ALG9: variants seen among roughly 807,000 people sequenced by gnomAD.
ALG9 encodes alpha-1,2-mannosyltransferase ALG9.
ALG9 carries 55 observed loss-of-function variants against 81.8 expected under a neutral mutation model. The observed-to-expected ratio is 0.67, with a 90% CI of 0.54 to 0.84. The LOEUF (loss-of-function observed/expected upper bound fraction) is 0.84. Among genes scored for constraint, ALG9 ranks in the 40% least tolerant of loss-of-function variants. The pLI is 0.00. For missense variants in ALG9, 629 were observed against 745.0 expected (o/e 0.84, Z 1.81); for synonymous variants, 278 against 274.3 (o/e 1.01, Z -0.13).
At chr11:111,821,627 G>C (rs1175958093) in intron 13 of ALG9, among the ~76,000 whole-genome samples, 1 of 151,744 alleles carries the variant, frequency 6.6e-6, no homozygotes, top group Non-Finnish European at 1.5e-5. Context: ...GACTTCCGCT[G>C]TTTCCCCAGG....
At chr11:111,819,805 A>T (rs1024272793) in intron 13 of ALG9, among the ~76,000 whole-genome samples, 3 of 152,200 alleles carry the variant, frequency 2.0e-5, no homozygotes, top group African/African-American at 7.2e-5. Flanking sequence ...GCAAGAACTG[A>T]ATCTGTCTTT....
At position 111,793,453 on chromosome 11, in the gene ALG9, A is replaced by C. The variant is rs182812981; in HGVS notation, c.1734-6933T>G. On this transcript the variant is annotated intron_variant, in intron 14 of 14. Transcript: ENST00000616540. The stretch of plus-strand genomic sequence containing the variant: ...ATTGAAAAAAGGAAATCAAATTGGT[A>C]ATTTGCCTTTATAAAAGGAAAGAGC... Among the ~76,000 whole-genome samples, 336 of 152,302 alleles carry C rather than the reference A, an allele frequency of 2.2e-3. 3 individuals are homozygous for C. Among genetic ancestry groups the C allele is most frequent in the African/African-American group, 7.8e-3 (325 of 41,584 alleles).
chr11:111,871,208 A>G, intron 1 of ALG9, 144 bp downstream of exon 1: 1 of 1,307,850 alleles, frequency 7.6e-7, no homozygotes, highest in Admixed American at 4.2e-5. Context: ...GAAGACCAAT[A>G]GGACCTAGCT....
chr11:111,772,528 A>G, the ALG9 span, among the ~76,000 whole-genome samples: 1 of 152,238 alleles, frequency 6.6e-6, no homozygotes, highest in African/African-American at 2.4e-5. Context: ...ACCTCTACCA[A>G]TTACTAGCTG....
chr11:111,853,866 T>G, intron 6 of ALG9, 130 bp from the exon 7 acceptor site: 1 of 797,818 alleles, frequency 1.3e-6, no homozygotes, highest in Admixed American at 2.0e-5. Context: ...AAACCTGGTA[T>G]GTGAGAGGAT....
chr11:111,870,526 C>T (rs1280608165), intron 1 of ALG9, among the ~76,000 whole-genome samples, 156 bp from the exon 2 acceptor site: 1 of 151,572 alleles, frequency 6.6e-6, no homozygotes, highest in Non-Finnish European at 1.5e-5. Flanking sequence ...GTTGTTTTTT[C>T]TCAGTAAAAT....
At chr11:111,809,561 A>G in intron 14 of ALG9, 82 bp downstream of exon 14, 1 of 1,549,346 alleles carries the variant, frequency 6.5e-7, no homozygotes, top group Middle Eastern at 1.7e-4. Context: ...GAGTCAACCC[A>G]GGACTGGAAG....
chr11:111,801,807 T>C (rs1949162455), intron 14 of ALG9, among the ~76,000 whole-genome samples: 1 of 152,236 alleles, frequency 6.6e-6, no homozygotes, highest in Non-Finnish European at 1.5e-5. Context: ...CATTCCCCTG[T>C]TACCAGGAAG....
Position 111,786,377 on chromosome 11 carries a change from T to G in ALG9, c.*20A>C. 20 of 1,613,708 alleles carry G rather than the reference T, an allele frequency of 1.2e-5. No individual in the cohort carries two copies. The highest frequency in any genetic ancestry group is 1.7e-5 in the Non-Finnish European group (20 of 1,179,748). On this transcript the variant is annotated 3_prime_UTR_variant, in exon 15 of 15. Transcript: ENST00000616540. ...CAATAGTTAACAAGATGGTTGTCCT[T>G]TGGGGCCACAGGTGTGTTGCTAACC...
intron 3 of ALG9, among the ~76,000 whole-genome samples, chr11:111,866,470 T>G (rs1325344193): frequency 6.6e-6 from 1 of 152,058 alleles, no homozygotes; most frequent in East Asian, 1.9e-4. Flanking sequence ...ACCCTGTCTC[T>G]CAGAAACAAC....
intron 3 of ALG9, among the ~76,000 whole-genome samples, chr11:111,865,644 A>G (rs1423778396): frequency 6.6e-6 from 1 of 152,260 alleles, no homozygotes; most frequent in Non-Finnish European, 1.5e-5. Flanking sequence ...ATGCTCATTC[A>G]ACAAGCAATT....
At chr11:111,846,112 CT>C (rs1275673824) in intron 8 of ALG9, among the ~76,000 whole-genome samples, 1 of 152,178 alleles carries the variant, frequency 6.6e-6, no homozygotes, top group African/African-American at 2.4e-5. Context: ...TCAAAAATGT[CT>C]TTTCTGAATC....
chr11:111,857,895 T>C, intron 5 of ALG9, 158 bp from the exon 6 acceptor site: 2 of 825,898 alleles, frequency 2.4e-6, no homozygotes, highest in Non-Finnish European at 3.8e-6. Flanking sequence ...AGCAAAGTGA[T>C]ATTCTTTTTT....
chr11:111,855,551 G>C (rs1322500269), intron 6 of ALG9, among the ~76,000 whole-genome samples: 5 of 152,202 alleles, frequency 3.3e-5, no homozygotes, highest in African/African-American at 9.6e-5. Flanking sequence ...ATGGGAAAGA[G>C]AGAAGAGTCA....
In ALG9 at chr11:111,853,699, T is replaced by G. The variant is rs1435439666; in HGVS notation, c.739A>C (p.Arg247=). 2 of 1,614,042 alleles carry G rather than the reference T, an allele frequency of 1.2e-6. No homozygotes were observed. The highest frequency in any genetic ancestry group is 4.5e-5 in the East Asian group (2 of 44,896). The part of the protein sequence containing the change: ...IAFDLLVMKH[R]WKSFFHWSLM... ...GACCAATGAAAGAAACTCTTCCACCTGTGTTTCATGACCAGCAAATCAAAG... is the reference window on the plus strand; with the variant it reads ...GACCAATGAAAGAAACTCTTCCACCGGTGTTTCATGACCAGCAAATCAAAG... Residue 247 remains arginine (R), a synonymous_variant, in exon 7 of 15, where the codon AGG becomes CGG. Coordinates refer to ENST00000616540, the MANE Select transcript of ALG9 (RefSeq NM_024740.2).
intron 14 of ALG9, among the ~76,000 whole-genome samples, chr11:111,788,080 C>T (rs1390071378): frequency 1.3e-5 from 2 of 152,178 alleles, no homozygotes; most frequent in Non-Finnish European, 2.9e-5. Flanking sequence ...GTCTGAAAAT[C>T]AAAAGTTGGC....
At chr11:111,866,264 TC>T (rs1324056483) in intron 3 of ALG9, among the ~76,000 whole-genome samples, 2 of 152,144 alleles carry the variant, frequency 1.3e-5, no homozygotes, top group African/African-American at 2.4e-5. Flanking sequence ...GCCACTGCAC[TC>T]CAGCCTGGCG....
chr11:111,864,160 A>G (rs1417385264), intron 4 of ALG9: 1 of 549,268 alleles, frequency 1.8e-6, no homozygotes, highest in East Asian at 3.0e-5. Context: ...AAAGAAAAAG[A>G]AGAGAACAAT....
chr11:111,834,428 T>C (rs1346033068), intron 13 of ALG9, among the ~76,000 whole-genome samples: 2 of 152,192 alleles, frequency 1.3e-5, no homozygotes, highest in Non-Finnish European at 2.9e-5. Flanking sequence ...CTGTCTAATA[T>C]ACCATTATCA....
Sources: gnomAD v4.1 joint callset for allele counts (sites outside exome capture counted in the v4.1 genomes callset) on GRCh38, gnomAD v4.1.1 for gene constraint, MANE v1.5 for transcripts, NCBI Gene and HGNC (gene_info 2026-07-23, HGNC 2026-07-21) for gene names.